CTNND2: variants seen among roughly 807,000 people sequenced by gnomAD.
CTNND2 encodes catenin delta-2.
Under a neutral mutation model 144.4 loss-of-function variants are expected in CTNND2, and 22 were observed. The ratio of observed to expected loss-of-function variants is 0.15; its 90% CI spans 0.11 to 0.22. CTNND2 has a LOEUF of 0.22. CTNND2 is among the 10% of genes least tolerant of loss of function. CTNND2 has a pLI of 1.00. For missense variants in CTNND2, 1,353 were observed against 1,618.8 expected, an observed-to-expected ratio of 0.84 and a Z score of 2.82; for synonymous variants, 751 against 695.6, an observed-to-expected ratio of 1.08 and a Z score of -1.25.
chr5:11,096,199 G>A (rs1751330443), intron 15 of CTNND2, among the ~76,000 whole-genome samples: 1 of 152,010 alleles, frequency 6.6e-6, no homozygotes, highest in South Asian at 2.1e-4. Flanking sequence ...TAAGTTCTGG[G>A]ATACACGTGC....
chr5:11,828,182 T>C (rs1168108800), intron 1 of CTNND2, among the ~76,000 whole-genome samples: 1 of 152,164 alleles, frequency 6.6e-6, no homozygotes, highest in Admixed American at 6.5e-5. Context: ...AGATCTTTCC[T>C]GTGCTGTTCC....
chr5:11,162,668 G>T (rs1758887549), intron 11 of CTNND2, among the ~76,000 whole-genome samples: 1 of 151,258 alleles, frequency 6.6e-6, no homozygotes, highest in Non-Finnish European at 1.5e-5. Flanking sequence ...ATGAAGTCTT[G>T]GTAAAGTGGA....
At chr5:11,798,358 G>A (rs1438691611) in intron 1 of CTNND2, among the ~76,000 whole-genome samples, 2 of 151,970 alleles carry the variant, frequency 1.3e-5, no homozygotes, top group Middle Eastern at 3.2e-3. Flanking sequence ...TTTTAGTGGG[G>A]AACTATTTTC....
intron 3 of CTNND2, among the ~76,000 whole-genome samples, chr5:11,428,450 A>C (rs1762988573): frequency 6.6e-6 from 1 of 152,192 alleles, no homozygotes; most frequent in Admixed American, 6.5e-5. Context: ...AGATGAGGCC[A>C]ACTGAGTGAG....
chr5:11,621,067 T>C (rs1358775032), intron 2 of CTNND2, among the ~76,000 whole-genome samples: 3 of 152,200 alleles, frequency 2.0e-5, no homozygotes, highest in Non-Finnish European at 2.9e-5. Context: ...AAGAACGGTG[T>C]ATATGTGAGT....
At chr5:11,258,261 C>A (rs1413702179) in intron 9 of CTNND2, among the ~76,000 whole-genome samples, 1 of 152,164 alleles carries the variant, frequency 6.6e-6, no homozygotes, top group Non-Finnish European at 1.5e-5. Context: ...ACATATGGCC[C>A]AAAGAGGGAA....
At chr5:11,369,988 C>T (rs1000017110) in intron 7 of CTNND2, among the ~76,000 whole-genome samples, 2 of 152,136 alleles carry the variant, frequency 1.3e-5, no homozygotes, top group African/African-American at 2.4e-5. Flanking sequence ...AAAGAAATAC[C>T]AGTAAGTATA....
intron 9 of CTNND2, among the ~76,000 whole-genome samples, chr5:11,263,386 A>G (rs570726903): frequency 6.6e-6 from 1 of 152,254 alleles, no homozygotes; most frequent in Non-Finnish European, 1.5e-5. Flanking sequence ...ATTTAAAGCC[A>G]GTAAAAATGA....
chr5:11,136,944 C>T (rs963206175), intron 12 of CTNND2, among the ~76,000 whole-genome samples: 1 of 152,194 alleles, frequency 6.6e-6, no homozygotes, highest in Non-Finnish European at 1.5e-5. Context: ...GTTCTATGTT[C>T]ATTCAAGGCT....
chr5:11,811,526 GTCAAAATTTTC>G (rs1792333315), intron 1 of CTNND2, among the ~76,000 whole-genome samples: 1 of 152,124 alleles, frequency 6.6e-6, no homozygotes, highest in Non-Finnish European at 1.5e-5. Flanking sequence ...TTGTAAAGGT[GTCAAAATTTTC>G]CATTTTGTGC....
At chr5:10,997,986 G>T (rs1344208083) in intron 18 of CTNND2, among the ~76,000 whole-genome samples, 3 of 152,150 alleles carry the variant, frequency 2.0e-5, no homozygotes, top group African/African-American at 7.2e-5. Flanking sequence ...GATATGTGTT[G>T]CTCAGCAACT....
At chr5:11,268,502 ATTGC>A (rs1171346717) in intron 9 of CTNND2, among the ~76,000 whole-genome samples, 3 of 152,228 alleles carry the variant, frequency 2.0e-5, no homozygotes, top group African/African-American at 7.2e-5. Flanking sequence ...AGGCACGAGA[ATTGC>A]TTGAACTTGA....
intron 3 of CTNND2, among the ~76,000 whole-genome samples, chr5:11,432,787 C>G (rs1763414500): frequency 6.8e-6 from 1 of 147,558 alleles, no homozygotes; most frequent in Admixed American, 6.7e-5. Context: ...TTTTTTGCAA[C>G]AACAAGTATC....
At chr5:11,348,094 T>C (rs1754975971) in intron 8 of CTNND2, among the ~76,000 whole-genome samples, 1 of 152,122 alleles carries the variant, frequency 6.6e-6, no homozygotes, top group African/African-American at 2.4e-5. Flanking sequence ...AAACAAAAAG[T>C]GCATATATTC....
intron 3 of CTNND2, among the ~76,000 whole-genome samples, chr5:11,532,356 TC>T (rs539531016): frequency 1.5e-5 from 2 of 137,268 alleles, no homozygotes; most frequent in Non-Finnish European, 3.1e-5. Context: ...TAAACTATTC[TC>T]CGTATCTTAG....
intron 19 of CTNND2, among the ~76,000 whole-genome samples, chr5:10,990,995 C>A (rs1050920612): frequency 5.9e-5 from 9 of 152,188 alleles, no homozygotes; most frequent in South Asian, 2.1e-4. Flanking sequence ...ACACTCCATG[C>A]GCTTTATCTT....
At chr5:11,181,650 T>G (rs1199204430) in intron 11 of CTNND2, among the ~76,000 whole-genome samples, 1 of 151,836 alleles carries the variant, frequency 6.6e-6, no homozygotes, top group Non-Finnish European at 1.5e-5. Context: ...GGAGGCTCCG[T>G]GTGTATGTGT....
intron 2 of CTNND2, among the ~76,000 whole-genome samples, chr5:11,708,125 C>T (rs1785815818): frequency 6.6e-6 from 1 of 151,572 alleles, no homozygotes; most frequent in Admixed American, 6.6e-5. Context: ...TGGCTCACTA[C>T]AACCTCCCCA....
chr5:11,747,859 A>G (rs895986097), intron 1 of CTNND2, among the ~76,000 whole-genome samples: 11 of 152,124 alleles, frequency 7.2e-5, no homozygotes, highest in African/African-American at 2.7e-4. Flanking sequence ...CTTACTTCAC[A>G]GTACTTGAAA....
Sources: allele counts gnomAD v4.1 joint callset (sites outside exome capture counted in the v4.1 genomes callset), GRCh38; gene constraint gnomAD v4.1.1; transcripts MANE v1.5; gene names NCBI Gene and HGNC (gene_info 2026-07-23, HGNC 2026-07-21).